Variants in ZC3H3 observed in about 807,000 individuals in gnomAD.
ZC3H3 encodes zinc finger CCCH domain-containing protein 3.
A neutral mutation model predicts 77.3 loss-of-function variants in ZC3H3; 36 were observed. That is an observed-to-expected ratio of 0.47 (90% CI 0.36 to 0.61). ZC3H3 has a LOEUF of 0.61. Among genes scored for constraint, ZC3H3 ranks in the 20% least tolerant of loss-of-function variants. The pLI, the probability that ZC3H3 is intolerant of heterozygous loss-of-function variation, is 0.00. For synonymous variants in ZC3H3, 626 were observed against 555.2 expected, an observed-to-expected ratio of 1.13 and a Z score of -1.79; for missense variants, 1,331 against 1,312.2, an observed-to-expected ratio of 1.01 and a Z score of -0.22.
Position 143,437,928 on chromosome 8 carries a change from G to C in ZC3H3, c.*128C>G, listed in dbSNP as rs1819627404. 22 of 1,295,680 alleles carry C rather than the reference G, an allele frequency of 1.7e-5. No homozygotes were observed. The South Asian group carries it at 2.8e-4, about 17-fold the overall frequency. 80.3% of individuals were successfully genotyped at this position (1,295,680 alleles called of 1,614,324 possible). Reference sequence around the variant, plus strand: ...GGTTGAGGGCCAGGCAGGCAGAGCAGTGTCCCTGTGGCCCCCAGGTGAGGC... The same window carrying C: ...GGTTGAGGGCCAGGCAGGCAGAGCACTGTCCCTGTGGCCCCCAGGTGAGGC... On this transcript the variant is annotated 3_prime_UTR_variant, in exon 12 of 12. Coordinates refer to ENST00000262577, the MANE Select transcript of ZC3H3 (RefSeq NM_015117.3).
At chr8:143,450,894 C>T (rs902648075) in intron 9 of ZC3H3, among the ~76,000 whole-genome samples, 3 of 152,154 alleles carry the variant, frequency 2.0e-5, no homozygotes, top group African/African-American at 7.2e-5. Context: ...CTGCAGGACG[C>T]TCCTGGCAGG....
At chr8:143,458,937 A>G (rs1820188133) in intron 9 of ZC3H3, among the ~76,000 whole-genome samples, 1 of 152,238 alleles carries the variant, frequency 6.6e-6, no homozygotes, top group Non-Finnish European at 1.5e-5. Context: ...CCTGGGCAAT[A>G]TAGCGAGACC....
At chr8:143,448,553 G>C (rs1016173140) in intron 9 of ZC3H3, among the ~76,000 whole-genome samples, 1 of 152,252 alleles carries the variant, frequency 6.6e-6, no homozygotes, top group African/African-American at 2.4e-5. Flanking sequence ...CCAGGGCACA[G>C]TGATGCAAGG....
intron 9 of ZC3H3, among the ~76,000 whole-genome samples, chr8:143,445,350 C>T (rs1050659790): frequency 1.4e-5 from 2 of 146,852 alleles, no homozygotes; most frequent in Non-Finnish European, 3.0e-5. Context: ...CATTGTAGTC[C>T]AGCCTGGGCA....
In ZC3H3 at chr8:143,536,340, GTCT is replaced by G; in HGVS notation, c.1475_1477del (p.Lys492del). The G allele has an allele frequency of 6.2e-7, 1 of 1,610,164 alleles. No individual in the cohort carries two copies. Among genetic ancestry groups the G allele is most frequent in the South Asian group, 1.1e-5 (1 of 90,224 alleles). On this transcript the variant is annotated inframe_deletion, in exon 3 of 12. Coordinates refer to ENST00000262577, the MANE Select transcript of ZC3H3 (RefSeq NM_015117.3). ...GACCTGTACCAGGCCCTTGTTGGGG[GTCT>G]TCTTCAGGACAGGGCTGCTCTTCCC...
chr8:143,438,366 C>T (rs1004102421), intron 11 of ZC3H3, among the ~76,000 whole-genome samples: 5 of 152,180 alleles, frequency 3.3e-5, no homozygotes, highest in African/African-American at 9.7e-5. Context: ...CTTCTGCCTA[C>T]AGTCCAGGGG....
chr8:143,439,065 A>G (rs1474290659), intron 11 of ZC3H3, among the ~76,000 whole-genome samples: 1 of 148,982 alleles, frequency 6.7e-6, no homozygotes, highest in Non-Finnish European at 1.5e-5. Context: ...CACCCTGCCC[A>G]CCTCCACTGG....
chr8:143,519,291 C>A lies in ZC3H3; in HGVS notation c.1562-11392G>T, dbSNP rs1348305960. On this transcript the variant is annotated intron_variant, in intron 3 of 11. Coordinates refer to ENST00000262577, the MANE Select transcript of ZC3H3 (RefSeq NM_015117.3). ...CCCCTAACTAGACTCCTGGCCAATGCCCTGGGGCTCCAGCCTTCGGGGCCA... is the reference window on the plus strand; with the variant it reads ...CCCCTAACTAGACTCCTGGCCAATGACCTGGGGCTCCAGCCTTCGGGGCCA... 2.6e-5 allele frequency among the ~76,000 whole-genome samples: 4 copies of A among 152,270 alleles called. No homozygotes were observed. In the East Asian group the frequency reaches 7.8e-4, roughly 30 times the overall value.
At chr8:143,481,612 G>A (rs887211522) in intron 4 of ZC3H3, among the ~76,000 whole-genome samples, 4 of 152,196 alleles carry the variant, frequency 2.6e-5, no homozygotes, top group Non-Finnish European at 5.9e-5. Flanking sequence ...GAGCCGGCGA[G>A]GGGACATCAG....
At position 143,498,603 on chromosome 8, in the gene ZC3H3, G is replaced by A. The variant is rs568096319; in HGVS notation, c.1715+9143C>T. The stretch of plus-strand genomic sequence containing the variant: ...CCATGCAGCCCTGTCCTCCCCGGCT[G>A]AAGGGGGTCACCCCGTGTTCTGCCC... On this transcript the variant is annotated intron_variant, in intron 4 of 11. Coordinates refer to ENST00000262577, the MANE Select transcript of ZC3H3 (RefSeq NM_015117.3). 1.8e-3 allele frequency among the ~76,000 whole-genome samples: 280 copies of A among 152,174 alleles called. 1 individual carries two copies. The highest frequency in any genetic ancestry group is 3.1e-3 in the Non-Finnish European group (211 of 67,978).
intron 5 of ZC3H3, among the ~76,000 whole-genome samples, chr8:143,474,142 C>T (rs1321849253): frequency 1.3e-5 from 2 of 151,812 alleles, no homozygotes; most frequent in African/African-American, 4.8e-5. Context: ...AGACCACACG[C>T]ACAAATCACA....
intron 4 of ZC3H3, among the ~76,000 whole-genome samples, chr8:143,490,165 C>T (rs1406740782): frequency 6.6e-6 from 1 of 152,226 alleles, no homozygotes; most frequent in East Asian, 1.9e-4. Context: ...GGAGCCTCCC[C>T]AGCAGGTGGG....
At chr8:143,464,992 G>C (rs1820369476) in intron 9 of ZC3H3, among the ~76,000 whole-genome samples, 2 of 152,256 alleles carry the variant, frequency 1.3e-5, no homozygotes, top group East Asian at 3.9e-4. Context: ...TTGTGGCGGG[G>C]AGTCCTGCTG....
At chr8:143,534,647 C>T (rs1822734665) in intron 3 of ZC3H3, among the ~76,000 whole-genome samples, 1 of 96,316 alleles carries the variant, frequency 1.0e-5, no homozygotes, top group African/African-American at 3.6e-5. Flanking sequence ...CCTCCCCAAC[C>T]CCTCCTCCCC....
At chr8:143,465,297 A>C (rs1586890259) in intron 9 of ZC3H3, among the ~76,000 whole-genome samples, 1 of 150,514 alleles carries the variant, frequency 6.6e-6, no homozygotes, top group Non-Finnish European at 1.5e-5. Context: ...TGTCCCGTCC[A>C]CCCCCTGCCT....
At chr8:143,532,149 C>T (rs1279606711) in intron 3 of ZC3H3, among the ~76,000 whole-genome samples, 1 of 152,240 alleles carries the variant, frequency 6.6e-6, no homozygotes, top group Admixed American at 6.5e-5. Flanking sequence ...AGGGGAGTTT[C>T]GATACTGGCC....
rs147735163 is a variant in ZC3H3 at position 143,522,747 on chromosome 8, T to C, written c.1561+13510A>G. Among the ~76,000 whole-genome samples the C allele has an allele frequency of 1.2e-4, 19 of 152,224 alleles. No homozygotes were observed. The East Asian group carries it at 3.7e-3, about 29-fold the overall frequency. ...CAGCTTGGGCAACATGGTGAGACCC[T>C]GTCTCTACAAAAAAAAGAAATACAA... is the stretch of plus-strand genomic sequence containing the variant. On this transcript the variant is annotated intron_variant, in intron 3 of 11. Transcript: ENST00000262577.
chr8:143,444,428 T>G (rs575430984), intron 9 of ZC3H3, among the ~76,000 whole-genome samples: 1 of 152,350 alleles, frequency 6.6e-6, no homozygotes, highest in African/African-American at 2.4e-5. Flanking sequence ...AAAAAACATT[T>G]AGGCCAATAT....
At chr8:143,498,586 C>T (rs1241864844) in intron 4 of ZC3H3, among the ~76,000 whole-genome samples, 1 of 152,064 alleles carries the variant, frequency 6.6e-6, no homozygotes, top group Non-Finnish European at 1.5e-5. Context: ...CCCCATGCAG[C>T]CCTGTCCTCC....
Sources: gnomAD v4.1 joint callset for allele counts (sites outside exome capture counted in the v4.1 genomes callset) on GRCh38, gnomAD v4.1.1 for gene constraint, MANE v1.5 for transcripts, NCBI Gene and HGNC (gene_info 2026-07-23, HGNC 2026-07-21) for gene names.